The following MTHFD1L variants were observed in gnomAD, a reference collection of about 807,000 sequenced individuals.
The protein encoded by MTHFD1L is monofunctional C1-tetrahydrofolate synthase, mitochondrial.
A neutral mutation model predicts 119.5 loss-of-function variants in MTHFD1L; 81 were observed. The observed-to-expected ratio is 0.68, with a 90% confidence interval of 0.57 to 0.82. The LOEUF (loss-of-function observed/expected upper bound fraction) is 0.82. Among genes scored for constraint, MTHFD1L ranks in the 40% least tolerant of loss-of-function variants. The pLI is 0.00. For synonymous variants in MTHFD1L, 430 were observed against 475.2 expected, an observed-to-expected ratio of 0.90 and a Z score of 1.24; for missense variants, 1,125 against 1,253.4, an observed-to-expected ratio of 0.90 and a Z score of 1.55.
At chr6:151,050,118 C>G (rs1320019156) in intron 26 of MTHFD1L, among the ~76,000 whole-genome samples, 2 of 152,152 alleles carry the variant, frequency 1.3e-5, no homozygotes, top group African/African-American at 4.8e-5. Context: ...TCCCCCATAC[C>G]TCGCCCTACA....
At chr6:151,052,300 C>T (rs1356639008) in intron 26 of MTHFD1L, among the ~76,000 whole-genome samples, 1 of 152,188 alleles carries the variant, frequency 6.6e-6, no homozygotes, top group Non-Finnish European at 1.5e-5. Context: ...ACAGTCTCTA[C>T]ATTTCCATCC....
In MTHFD1L at chr6:150,945,531, C is replaced by T; in HGVS notation, c.1613C>T (p.Ala538Val). Residue 538 changes from alanine (A) to valine (V), a missense_variant, in exon 15 of 28, where the codon GCT (alanine) becomes GTT (valine). Physicochemically the swap from Ala to Val is moderately conservative, Grantham distance 64 (BLOSUM62 0). Coordinates refer to ENST00000367321, the MANE Select transcript of MTHFD1L (RefSeq NM_015440.5). ...AGAGAATTTTCAGAAATTCAGCTTG[C>T]TCGGCTAAAAGTAAGTTTCCAGTTA... ...GVREFSEIQL[A>V]RLKKLGINKT... 6.2e-7 allele frequency: 1 copy of T among 1,613,940 alleles called. No individual in the cohort carries two copies. Among genetic ancestry groups the T allele is most frequent in the Non-Finnish European group, 8.5e-7 (1 of 1,179,902 alleles).
intron 11 of MTHFD1L, among the ~76,000 whole-genome samples, chr6:150,931,188 TA>T (rs1562401596): frequency 6.6e-6 from 1 of 151,106 alleles, no homozygotes; most frequent in Non-Finnish European, 1.5e-5. Context: ...ACAGAGCAGC[TA>T]AAAAAGCAGC....
At chr6:150,868,431 C>T (rs934665466) in intron 1 of MTHFD1L, among the ~76,000 whole-genome samples, 4 of 151,652 alleles carry the variant, frequency 2.6e-5, no homozygotes, top group African/African-American at 9.7e-5. Flanking sequence ...CCTCCGCCTC[C>T]CGGGTTCAAG....
chr6:150,917,276 C>A (rs1004978695), intron 8 of MTHFD1L, among the ~76,000 whole-genome samples: 5 of 151,994 alleles, frequency 3.3e-5, no homozygotes, highest in African/African-American at 1.2e-4. Flanking sequence ...ATAACCCCAG[C>A]ACTTTGGGAG....
intron 20 of MTHFD1L, among the ~76,000 whole-genome samples, chr6:150,994,097 G>GAAAGAAAGAA (rs61147935): frequency 7.7e-6 from 1 of 129,138 alleles, no homozygotes; most frequent in Non-Finnish European, 1.6e-5. Context: ...AAGAAAGAAA[G>GAAAGAAAGAA]TGACCCAGCA....
chr6:150,868,502 G>T (rs542697887), intron 1 of MTHFD1L, among the ~76,000 whole-genome samples: 1 of 151,828 alleles, frequency 6.6e-6, no homozygotes, highest in Admixed American at 6.6e-5. Context: ...ACCACGCCTG[G>T]CTTATTTTGT....
Position 151,078,781 on chromosome 6 carries a change from T to C in MTHFD1L, c.2848-13686T>C, listed in dbSNP as rs372913880. Among the ~76,000 whole-genome samples the C allele has an allele frequency of 4.7e-4, 72 of 152,196 alleles. 1 individual carries two copies. In the South Asian group the frequency reaches 1.0e-2, roughly 21 times the overall value. ...AGTGACCTCCCTTCACTGTCACTCG[T>C]GCCATATTCTGCTGGTGAGAAGCAA... On this transcript the variant is annotated intron_variant, in intron 26 of 27. Transcript: ENST00000367321.
intron 26 of MTHFD1L, among the ~76,000 whole-genome samples, chr6:151,062,098 T>C (rs1290622799): frequency 1.3e-5 from 2 of 152,212 alleles, no homozygotes; most frequent in African/African-American, 4.8e-5. Context: ...CAACTGTTCA[T>C]GTTCAGTCCA....
chr6:151,036,012 T>C (rs1319135875), intron 25 of MTHFD1L, among the ~76,000 whole-genome samples: 1 of 152,222 alleles, frequency 6.6e-6, no homozygotes, highest in East Asian at 1.9e-4. Flanking sequence ...CAAGTCCAAG[T>C]CCTCCCTGAG....
intron 26 of MTHFD1L, among the ~76,000 whole-genome samples, chr6:151,045,746 C>T (rs962624504): frequency 3.3e-5 from 5 of 152,152 alleles, no homozygotes; most frequent in African/African-American, 1.2e-4. Context: ...CCTATCTCTA[C>T]ATCAGAATTT....
chr6:150,926,082 G>A lies in MTHFD1L; in HGVS notation c.1083-40G>A. On this transcript the variant is annotated intron_variant, in intron 10 of 27. Transcript: ENST00000367321. This position sits in a 1 kb window ranked among gnomAD's most constrained non-coding sequence, Gnocchi z 4.3. ...CACTCCAGTTGTGACCACCTAAGCTGAGAAGCCTTTTCTCTCTTTCGTATT... is the reference window on the plus strand; with the variant it reads ...CACTCCAGTTGTGACCACCTAAGCTAAGAAGCCTTTTCTCTCTTTCGTATT... The A allele has an allele frequency of 6.3e-7, 1 of 1,577,896 alleles. No homozygotes were observed. The highest frequency in any genetic ancestry group is 8.6e-7 in the Non-Finnish European group (1 of 1,156,754).
chr6:151,044,429 G>C (rs562689222), intron 26 of MTHFD1L, among the ~76,000 whole-genome samples: 1 of 151,594 alleles, frequency 6.6e-6, no homozygotes, highest in South Asian at 2.1e-4. Context: ...AGCCTCCCGA[G>C]TAGCTGGGAT....
intron 8 of MTHFD1L, among the ~76,000 whole-genome samples, chr6:150,906,388 G>A (rs539813752): frequency 3.9e-5 from 6 of 152,358 alleles, no homozygotes; most frequent in South Asian, 2.1e-4. Flanking sequence ...AGCAGTGCCC[G>A]CAACAGGGCA....
Position 150,865,735 on chromosome 6 carries a change from C to T in MTHFD1L, c.-88C>T. On this transcript the variant is annotated 5_prime_UTR_variant, in exon 1 of 28. Transcript: ENST00000367321. ...GCCAGGTCCTTCCCGCCGCCGCCGCCGCCGCCGCCGCCTGCTCCCCTGGCA... is the reference window on the plus strand; with the variant it reads ...GCCAGGTCCTTCCCGCCGCCGCCGCTGCCGCCGCCGCCTGCTCCCCTGGCA... The T allele has an allele frequency of 3.5e-6, 4 of 1,132,256 alleles. No individual in the cohort carries two copies. Among genetic ancestry groups the T allele is most frequent in the South Asian group, 2.4e-5 (1 of 42,098 alleles). 70.1% of individuals were successfully genotyped at this position (1,132,256 alleles called of 1,614,324 possible).
In MTHFD1L at chr6:150,971,357, A is replaced by G. The variant is rs1238031860; in HGVS notation, c.2014-590A>G. 7.2e-5 allele frequency among the ~76,000 whole-genome samples: 11 copies of G among 152,172 alleles called. No homozygotes were observed. In the East Asian group the frequency reaches 1.7e-3, roughly 24 times the overall value. ...GCTGGGTTTACAGGAGCACACCACCACACCCTGCTAAATTTTGTATTTTTA... is the reference window on the plus strand; with the variant it reads ...GCTGGGTTTACAGGAGCACACCACCGCACCCTGCTAAATTTTGTATTTTTA... On this transcript the variant is annotated intron_variant, in intron 19 of 27. Transcript: ENST00000367321.
chr6:150,869,009 G>T (rs1034410109), intron 1 of MTHFD1L, among the ~76,000 whole-genome samples: 1 of 152,104 alleles, frequency 6.6e-6, no homozygotes, highest in Non-Finnish European at 1.5e-5. Context: ...TACAGTGAGC[G>T]GAGATTGCGC....
intron 26 of MTHFD1L, among the ~76,000 whole-genome samples, chr6:151,086,769 A>G (rs529553221): frequency 2.6e-5 from 4 of 152,062 alleles, no homozygotes; most frequent in Non-Finnish European, 5.9e-5. Flanking sequence ...GGCTCAATCC[A>G]TCCTCCTACC....
In MTHFD1L at chr6:150,865,741, C is replaced by T; in HGVS notation, c.-82C>T. On this transcript the variant is annotated 5_prime_UTR_variant, in exon 1 of 28. Coordinates refer to ENST00000367321, the MANE Select transcript of MTHFD1L (RefSeq NM_015440.5). ...TCCTTCCCGCCGCCGCCGCCGCCGCCGCCGCCTGCTCCCCTGGCACGCGCC... is the reference window on the plus strand; with the variant it reads ...TCCTTCCCGCCGCCGCCGCCGCCGCTGCCGCCTGCTCCCCTGGCACGCGCC... 1 of 1,157,526 alleles carries T rather than the reference C, an allele frequency of 8.6e-7. No homozygotes were observed. Among genetic ancestry groups the T allele is most frequent in the South Asian group, 2.3e-5 (1 of 42,962 alleles). The allele number at this position is 1,157,526 out of a possible 1,614,324, so 71.7% of individuals were successfully genotyped here.
Sources: allele counts gnomAD v4.1 joint callset (sites outside exome capture counted in the v4.1 genomes callset), GRCh38; gene constraint gnomAD v4.1.1; non-coding constraint Gnocchi (gnomAD v3.1); transcripts MANE v1.5; gene names NCBI Gene and HGNC (gene_info 2026-07-23, HGNC 2026-07-21).